TSPAN2: variants seen among roughly 807,000 people sequenced by gnomAD.
TSPAN2 encodes tetraspanin-2.
In TSPAN2, 24 loss-of-function variants were observed where a neutral mutation model predicts 33.3. The ratio of observed to expected loss-of-function variants is 0.72; its 90% confidence interval spans 0.52 to 1.01. TSPAN2 has a LOEUF of 1.01. TSPAN2 is among the 50% of genes least tolerant of loss of function. TSPAN2 has a pLI of 0.00. For synonymous variants in TSPAN2, 114 were observed against 104.5 expected (o/e 1.09, Z -0.56); for missense variants, 278 against 281.3 (o/e 0.99, Z 0.08).
At position 115,050,517 on chromosome 1, in the gene TSPAN2, C is replaced by A; in HGVS notation, c.639G>T (p.Ala213=). The A allele has an allele frequency of 6.2e-7, 1 of 1,613,996 alleles. No homozygotes were observed. Among genetic ancestry groups the A allele is most frequent in the Non-Finnish European group, 8.5e-7 (1 of 1,179,960 alleles). Residue 213 remains alanine, a synonymous_variant, in exon 8 of 8, where the codon GCG becomes GCT. Transcript: ENST00000369516. ...GMIFSMVLCC[A]IRNSRDVI ...ATATCACATCTCGTGAGTTTCGTAT[C>A]GCACAGCAGAGGACCATGCTGAATA...
At chr1:115,085,825 CCACCCCCCATGAAACT>C (rs1209541199) in intron 1 of TSPAN2, among the ~76,000 whole-genome samples, 1 of 152,064 alleles carries the variant, frequency 6.6e-6, no homozygotes, top group African/African-American at 2.4e-5. Flanking sequence ...GCCTCCACCC[CCACCCCCCATGAAACT>C]GGGGGAGAGG....
At chr1:115,062,845 C>A (rs1020677057) in intron 2 of TSPAN2, among the ~76,000 whole-genome samples, 1 of 152,194 alleles carries the variant, frequency 6.6e-6, no homozygotes, top group Non-Finnish European at 1.5e-5. Context: ...CTTCCTGGGG[C>A]GCCTCTGGGT....
Position 115,075,163 on chromosome 1 carries a change from T to G in TSPAN2, c.70-2156A>C, listed in dbSNP as rs1648353509. On this transcript the variant is annotated intron_variant, in intron 1 of 7. Coordinates refer to ENST00000369516, the MANE Select transcript of TSPAN2 (RefSeq NM_005725.6). ...GATTATCCTCCCAGACAGAATACAT[T>G]TGTCCAGTTCTGGCACAGATGTGTT... Among the ~76,000 whole-genome samples the G allele has an allele frequency of 2.0e-5, 3 of 152,134 alleles. No homozygotes were observed. The South Asian group carries it at 6.2e-4, about 32-fold the overall frequency.
chr1:115,059,436 C>G (rs546328967), intron 4 of TSPAN2, among the ~76,000 whole-genome samples: 1 of 152,332 alleles, frequency 6.6e-6, no homozygotes, highest in East Asian at 1.9e-4. Flanking sequence ...TGACAGTTCC[C>G]AAGCCCAACT....
chr1:115,053,160 C>T (rs1423968867), intron 7 of TSPAN2, among the ~76,000 whole-genome samples: 1 of 152,178 alleles, frequency 6.6e-6, no homozygotes. Flanking sequence ...CACTCAAGGT[C>T]ATAATGAGTT....
chr1:115,089,503 C>T lies in TSPAN2; in HGVS notation c.-71G>A, dbSNP rs996630985. 2.8e-4 allele frequency: 236 copies of T among 857,426 alleles called. 1 individual carries two copies. In the African/African-American group the frequency reaches 3.9e-3, roughly 14 times the overall value. The allele number at this position is 857,426 out of a possible 1,614,324, so 53.1% of individuals were successfully genotyped here. ...GAGCGCGGGGAGCGGCAGGCTCCGG[C>T]GGGGAGGGGGCGGAGCGGGGAGGAC... On this transcript the variant is annotated 5_prime_UTR_variant, in exon 1 of 8. Transcript: ENST00000369516.
rs1016037276 is a variant in TSPAN2 at position 115,057,694 on chromosome 1, G to A, written c.445-86C>T. 24 of 1,319,292 alleles carry A rather than the reference G, an allele frequency of 1.8e-5. No homozygotes were observed. In the African/African-American group the frequency reaches 2.2e-4, roughly 12 times the overall value. The allele number at this position is 1,319,292 out of a possible 1,614,324, so 81.7% of individuals were successfully genotyped here. A position where few individuals can be genotyped will look rare whatever the true frequency, so the allele number is the denominator to read the frequency against. Reference sequence around the variant, plus strand: ...GCACCCTGCTAAGGACTGGGGTGCCGAGGCGGCAAAGCAGCTCCGAGGCCC... The same window carrying A: ...GCACCCTGCTAAGGACTGGGGTGCCAAGGCGGCAAAGCAGCTCCGAGGCCC... On this transcript the variant is annotated intron_variant, in intron 5 of 7. Coordinates refer to ENST00000369516, the MANE Select transcript of TSPAN2 (RefSeq NM_005725.6).
At chr1:115,088,139 G>A (rs1428189455) in intron 1 of TSPAN2, among the ~76,000 whole-genome samples, 4 of 152,198 alleles carry the variant, frequency 2.6e-5, no homozygotes, top group Non-Finnish European at 4.4e-5. Flanking sequence ...AGGGGATGTC[G>A]AGGAGGTACC....
chr1:115,073,644 C>T lies in TSPAN2; in HGVS notation c.70-637G>A, dbSNP rs770723703. On this transcript the variant is annotated intron_variant, in intron 1 of 7. Transcript: ENST00000369516. ...GATGGTTTTGCTGGTAGGGAGATAGCCTAGTCTTTTTTTTTTTTGGTTGCT... is the reference window on the plus strand; with the variant it reads ...GATGGTTTTGCTGGTAGGGAGATAGTCTAGTCTTTTTTTTTTTTGGTTGCT... 1.9e-3 allele frequency among the ~76,000 whole-genome samples: 291 copies of T among 151,972 alleles called. 2 individuals are homozygous for T. Among genetic ancestry groups the T allele is most frequent in the Non-Finnish European group, 1.4e-3 (98 of 67,962 alleles).
In TSPAN2 at chr1:115,089,384, C is replaced by T. The variant is rs1648968739; in HGVS notation, c.49G>A (p.Gly17Ser). 2 of 1,596,138 alleles carry T rather than the reference C, an allele frequency of 1.3e-6. No homozygotes were observed. Among genetic ancestry groups the T allele is most frequent in the Non-Finnish European group, 1.7e-6 (2 of 1,172,690 alleles). The change falls in exon 1 of 8, where the codon GGC becomes AGC. Residue 17 changes from glycine to serine, a missense_variant. Transcript: ENST00000369516. ...CTCACCCAGAAGAGCAGGTTGAAGC[C>T]AAGCAGCAGGTACTTGATGCACCGC... ...GLRCIKYLLL[G>S]FNLLFWLAGS...
In TSPAN2 at chr1:115,049,903, T is replaced by C. The variant is rs1156854853; in HGVS notation, c.*587A>G. 6.5e-6 allele frequency: 1 copy of C among 152,730 alleles called. No individual in the cohort carries two copies. Among genetic ancestry groups the C allele is most frequent in the East Asian group, 1.9e-4 (1 of 5,202 alleles). 9.5% of individuals were successfully genotyped at this position (152,730 alleles called of 1,614,324 possible). A position where few individuals can be genotyped will look rare whatever the true frequency, so the allele number is the denominator to read the frequency against. ...TCCATGCTATATTTAGTTTTACAGA[T>C]GTGTTTAGTTCTAAAACTGTGGTTT... On this transcript the variant is annotated 3_prime_UTR_variant, in exon 8 of 8. Transcript: ENST00000369516.
chr1:115,076,031 A>G (rs957539974), intron 1 of TSPAN2, among the ~76,000 whole-genome samples: 8 of 152,162 alleles, frequency 5.3e-5, no homozygotes, highest in Non-Finnish European at 1.2e-4. Context: ...AGATAGTCAC[A>G]TAAAGTACTA....
chr1:115,059,929 C>A (rs1647635447), intron 4 of TSPAN2, among the ~76,000 whole-genome samples: 1 of 152,120 alleles, frequency 6.6e-6, no homozygotes, highest in Non-Finnish European at 1.5e-5. Context: ...TCTTCTATCC[C>A]ACAGTGTGTT....
intron 2 of TSPAN2, among the ~76,000 whole-genome samples, chr1:115,064,349 C>G (rs996191411): frequency 1.3e-5 from 2 of 152,202 alleles, no homozygotes; most frequent in East Asian, 3.9e-4. Flanking sequence ...CCCCTTGCTG[C>G]AGAACATGCC....
chr1:115,085,320 C>T (rs530710139), intron 1 of TSPAN2, among the ~76,000 whole-genome samples: 112 of 152,290 alleles, frequency 7.4e-4, no homozygotes, highest in Middle Eastern at 3.4e-3. Flanking sequence ...GTCAGCGGCC[C>T]TGGGCCAGGG....
At chr1:115,070,081 C>A (rs11102883) in intron 2 of TSPAN2, among the ~76,000 whole-genome samples, 51,392 of 151,952 alleles carry the variant, frequency 0.34, 9,145 homozygotes, top group South Asian at 0.54. Context: ...CCGGGGAGGT[C>A]TTCCATCTGT....
At chr1:115,086,116 T>C (rs1369554630) in intron 1 of TSPAN2, among the ~76,000 whole-genome samples, 2 of 152,204 alleles carry the variant, frequency 1.3e-5, no homozygotes, top group African/African-American at 4.8e-5. Flanking sequence ...ATTTATTGAA[T>C]GCTTCCTATG....
At chr1:115,083,758 G>A (rs759137756) in intron 1 of TSPAN2, among the ~76,000 whole-genome samples, 24 of 152,208 alleles carry the variant, frequency 1.6e-4, no homozygotes, top group Non-Finnish European at 7.3e-5. Context: ...GAAATAAACA[G>A]ATCCTGCTCC....
At position 115,060,508 on chromosome 1, in the gene TSPAN2, C is replaced by T. The variant is rs767831586; in HGVS notation, c.301G>A (p.Ala101Thr). ...GCAAATACTCCAGTGGTTACTTCAG[C>T]AGCAAATATCACCAGGAGGCAGGTA... ...FFTCLLVIFA[A>T]EVTTGVFAFI... Residue 101 changes from alanine to threonine, a missense_variant, in exon 4 of 8, where the codon GCT (alanine) becomes ACT (threonine). Coordinates refer to ENST00000369516, the MANE Select transcript of TSPAN2 (RefSeq NM_005725.6). 2 of 1,613,640 alleles carry T rather than the reference C, an allele frequency of 1.2e-6. No individual in the cohort carries two copies. Among genetic ancestry groups the T allele is most frequent in the Admixed American group, 1.7e-5 (1 of 59,990 alleles).
Sources: allele counts gnomAD v4.1 joint callset (sites outside exome capture counted in the v4.1 genomes callset), GRCh38; gene constraint gnomAD v4.1.1; transcripts MANE v1.5; gene names NCBI Gene and HGNC (gene_info 2026-07-23, HGNC 2026-07-21).